The following UNC79 variants were observed in gnomAD, a reference collection of about 807,000 sequenced individuals.
The protein encoded by UNC79 is unc-79 subunit of NALCN channel complex, also known as protein unc-79 homolog.
Under a neutral mutation model 283.1 loss-of-function variants are expected in UNC79, and 37 were observed. The observed-to-expected ratio is 0.13, with a 90% CI of 0.10 to 0.17. UNC79 has a LOEUF of 0.17. UNC79 is among the 10% of genes least tolerant of loss of function. UNC79 has a pLI of 1.00. For synonymous variants in UNC79, 1,107 were observed against 1,200.2 expected (o/e 0.92, Z 1.61); for missense variants, 2,272 against 3,211.1 (o/e 0.71, Z 7.07).
rs35267402 is a variant in UNC79, at chr14:93,386,927, C to CTTTTTTTT, written c.-351+53429_-351+53436dup. Among the ~76,000 whole-genome samples the CTTTTTTTT allele has an allele frequency of 2.9e-4, 8 of 27,192 alleles. 1 individual carries two copies. Among genetic ancestry groups the CTTTTTTTT allele is most frequent in the Non-Finnish European group, 4.9e-4 (8 of 16,382 alleles). The allele number at this position is 27,192 out of a possible 152,430, so 17.8% of individuals were successfully genotyped here. The stretch of plus-strand genomic sequence containing the variant: ...TTCATTTCAATTTCATGTATTTCTG[C>CTTTTTTTT]TTTTTTTTTTTTTTTTTTTTTTTTT... On this transcript the variant is annotated intron_variant, in intron 1 of 49. Coordinates refer to the UNC79 transcript ENST00000256339.
At chr14:93,452,375 ATTTTT>A (rs35284465) in intron 1 of UNC79, among the ~76,000 whole-genome samples, 3 of 108,860 alleles carry the variant, frequency 2.8e-5, no homozygotes. Flanking sequence ...GGACTGCATG[ATTTTT>A]TTTTTTTTTT....
intron 14 of UNC79, among the ~76,000 whole-genome samples, chr14:93,567,046 A>T (rs2062934759): frequency 6.6e-6 from 1 of 152,176 alleles, no homozygotes; most frequent in Non-Finnish European, 1.5e-5. Context: ...GTTTGGCCTA[A>T]AAGTTTCTCT....
Position 93,673,329 on chromosome 14 carries a change from CCTT to C in UNC79, c.6637-19_6637-17del, listed in dbSNP as rs774243836. Reference sequence around the variant, plus strand: ...ATTGAATTTCTAAAATCACTTACCTCCTTCTGTTTTGTTTTCTTTAGGAACGAG... The same window carrying C: ...ATTGAATTTCTAAAATCACTTACCTCCTGTTTTGTTTTCTTTAGGAACGAG... On this transcript the variant is annotated intron_variant, in intron 40 of 48. Coordinates refer to ENST00000555664, the Ensembl canonical transcript of UNC79. 120 of 1,601,764 alleles carry C rather than the reference CCTT, an allele frequency of 7.5e-5. 1 individual carries two copies. In the South Asian group the frequency reaches 1.3e-3, roughly 18 times the overall value.
Position 93,582,187 on chromosome 14 carries a change from G to T in UNC79, c.2662-16G>T. 6.2e-7 allele frequency: 1 copy of T among 1,614,064 alleles called. No homozygotes were observed. Among genetic ancestry groups the T allele is most frequent in the South Asian group, 1.1e-5 (1 of 91,082 alleles). The stretch of plus-strand genomic sequence containing the variant: ...TCCAGGGCTGCTTACCTGGCTGCCT[G>T]TCCTGTTTATTTCAGGAGCCCACAG... On this transcript the variant is annotated splice_polypyrimidine_tract_variant and intron_variant, in intron 19 of 48. Coordinates refer to ENST00000555664, the Ensembl canonical transcript of UNC79.
intron 23 of UNC79, 106 bp downstream of exon 23, chr14:93,593,943 G>T (rs1199980561): frequency 1.6e-6 from 2 of 1,247,566 alleles, no homozygotes; most frequent in Non-Finnish European, 2.2e-6. Flanking sequence ...TTTTTAAAAG[G>T]CATTCTCCTG....
Position 93,410,562 on chromosome 14 carries a change from C to T in UNC79, c.-350-57109C>T, listed in dbSNP as rs78695779. On this transcript the variant is annotated intron_variant, in intron 1 of 49. Transcript: ENST00000256339. ...CTTCAAAAGAGGTCCCTTCCTTCCACGTGAGGAGAGAGGAGAGAGAAGAGT... is the reference window on the plus strand; with the variant it reads ...CTTCAAAAGAGGTCCCTTCCTTCCATGTGAGGAGAGAGGAGAGAGAAGAGT... Among the ~76,000 whole-genome samples, 326 of 152,256 alleles carry T rather than the reference C, an allele frequency of 2.1e-3. 5 individuals carry two copies. In the East Asian group the frequency reaches 0.022, roughly 10 times the overall value.
intron 14 of UNC79, among the ~76,000 whole-genome samples, chr14:93,544,765 G>A (rs2061523108): frequency 6.6e-6 from 1 of 152,190 alleles, no homozygotes; most frequent in African/African-American, 2.4e-5. Context: ...ATAAATCTAG[G>A]TTTTGAGTAC....
intron 1 of UNC79, among the ~76,000 whole-genome samples, chr14:93,452,921 G>A (rs1049515958): frequency 2.0e-5 from 3 of 152,108 alleles, no homozygotes; most frequent in Non-Finnish European, 2.9e-5. Flanking sequence ...ATATTTAATT[G>A]TTGTTCAATT....
intron 1 of UNC79, among the ~76,000 whole-genome samples, chr14:93,437,779 C>T (rs1198818517): frequency 6.6e-6 from 1 of 152,158 alleles, no homozygotes; most frequent in Non-Finnish European, 1.5e-5. Context: ...TCTCTGCCTC[C>T]ATCTTTACAC....
rs942680371 is a variant in UNC79 at position 93,421,792 on chromosome 14, AAAC to A, written c.-350-45876_-350-45874del. On this transcript the variant is annotated intron_variant, in intron 1 of 49. Transcript: ENST00000256339. ...GAGATAGCTTAAAAAAAAAAAAAGAAAACAAGAACATTTATCATGGCCAAATGT... is the reference window on the plus strand; with the variant it reads ...GAGATAGCTTAAAAAAAAAAAAAGAAAAGAACATTTATCATGGCCAAATGT... 2.3e-4 allele frequency among the ~76,000 whole-genome samples: 35 copies of A among 151,446 alleles called. 1 individual carries two copies. The highest frequency in any genetic ancestry group is 4.9e-4 in the Non-Finnish European group (33 of 67,828).
intron 47 of UNC79, among the ~76,000 whole-genome samples, chr14:93,699,845 A>G (rs1336858026): frequency 2.6e-5 from 4 of 152,178 alleles, no homozygotes; most frequent in Admixed American, 2.6e-4. Flanking sequence ...ATTTGCTATA[A>G]TTGCCATATT....
At chr14:93,597,580 G>A in intron 24 of UNC79, 40 bp downstream of exon 24, 3 of 1,583,140 alleles carry the variant, frequency 1.9e-6, no homozygotes, top group Non-Finnish European at 1.7e-6. Context: ...AAGGTGGTTT[G>A]TGTCAGCACT....
intron 1 of UNC79, among the ~76,000 whole-genome samples, chr14:93,394,445 C>G (rs951636529): frequency 1.4e-5 from 2 of 146,144 alleles, no homozygotes; most frequent in South Asian, 2.1e-4. Flanking sequence ...TAGTCCTGCT[C>G]TGTCACCCAG....
chr14:93,441,741 C>A (rs1385331208), intron 1 of UNC79, among the ~76,000 whole-genome samples: 1 of 152,110 alleles, frequency 6.6e-6, no homozygotes, highest in East Asian at 1.9e-4. Flanking sequence ...CATATGCCCT[C>A]CATGCCTCCT....
At position 93,333,970 on chromosome 14, in the gene UNC79, T is replaced by C. The variant is rs1020938918; in HGVS notation, c.-351+447T>C. Among the ~76,000 whole-genome samples the C allele has an allele frequency of 7.5e-5, 11 of 147,166 alleles. No individual in the cohort carries two copies. The South Asian group carries it at 1.1e-3, about 15-fold the overall frequency. On this transcript the variant is annotated intron_variant, in intron 1 of 49. Transcript: ENST00000256339. ...ACCGTTACACCTCCTTTTCCTCTGATAGACATTAGCAACTCTGGGAATTTA... is the reference window on the plus strand; with the variant it reads ...ACCGTTACACCTCCTTTTCCTCTGACAGACATTAGCAACTCTGGGAATTTA...
At chr14:93,667,224 G>T (rs1411715745) in intron 40 of UNC79, among the ~76,000 whole-genome samples, 1 of 148,962 alleles carries the variant, frequency 6.7e-6, no homozygotes, top group Non-Finnish European at 1.5e-5. Flanking sequence ...AAGGAACAAA[G>T]GAGGGAGAGA....
At chr14:93,612,775 A>C in intron 26 of UNC79, 22 bp from the exon 28 acceptor site, 3 of 1,604,690 alleles carry the variant, frequency 1.9e-6, no homozygotes, top group Non-Finnish European at 2.6e-6. Flanking sequence ...CCACCCACTG[A>C]CAGCCTTTCT....
intron 1 of UNC79, among the ~76,000 whole-genome samples, chr14:93,340,494 A>C (rs1595363708): frequency 6.7e-6 from 1 of 150,368 alleles, no homozygotes; most frequent in Non-Finnish European, 1.5e-5. Flanking sequence ...CCTGGCCAAA[A>C]CTCTGTGATT....
intron 1 of UNC79, among the ~76,000 whole-genome samples, chr14:93,459,115 C>T (rs944368833): frequency 2.6e-5 from 4 of 152,142 alleles, no homozygotes; most frequent in African/African-American, 7.2e-5. Context: ...CCTCAGCCTC[C>T]GGAGGAGCTG....
Sources: gnomAD v4.1 joint callset for allele counts (sites outside exome capture counted in the v4.1 genomes callset) on GRCh38, gnomAD v4.1.1 for gene constraint, MANE v1.5 for transcripts, NCBI Gene and HGNC (gene_info 2026-07-23, HGNC 2026-07-21) for gene names.